SOX5: variants seen among roughly 807,000 people sequenced by gnomAD.
SOX5 encodes SRY-box transcription factor 5, also known as transcription factor SOX-5.
SOX5 carries 9 observed loss-of-function variants against 92.0 expected under a neutral mutation model. The observed-to-expected ratio is 0.10, with a 90% CI of 0.06 to 0.17. SOX5 has a LOEUF of 0.17. SOX5 is among the 10% of genes least tolerant of loss of function. The pLI is 1.00. For missense variants in SOX5, 642 were observed against 944.5 expected, an observed-to-expected ratio of 0.68 and a Z score of 4.20; for synonymous variants, 344 against 336.3, an observed-to-expected ratio of 1.02 and a Z score of -0.25.
At chr12:24,060,939 A>G (rs549099243) in intron 4 of SOX5, among the ~76,000 whole-genome samples, 1 of 152,170 alleles carries the variant, frequency 6.6e-6, no homozygotes, top group Non-Finnish European at 1.5e-5. Flanking sequence ...TGAAATTGCC[A>G]TTTATTTGAA....
chr12:23,906,176 G>A (rs910290897), intron 1 of SOX5, among the ~76,000 whole-genome samples: 5 of 152,176 alleles, frequency 3.3e-5, no homozygotes, highest in African/African-American at 7.2e-5. Flanking sequence ...GTCATTAATC[G>A]CAAACTGAAA....
At chr12:24,471,842 C>G (rs1182120935) in intron 1 of SOX5, among the ~76,000 whole-genome samples, 1 of 151,246 alleles carries the variant, frequency 6.6e-6, no homozygotes, top group African/African-American at 2.4e-5. Flanking sequence ...TAATCAGCAA[C>G]AGCCTTAGTC....
chr12:24,469,516 T>G (rs1864077470), intron 1 of SOX5, among the ~76,000 whole-genome samples: 1 of 152,214 alleles, frequency 6.6e-6, no homozygotes, highest in South Asian at 2.1e-4. Flanking sequence ...CACGACTTCC[T>G]AATACTTTTA....
Position 24,528,736 on chromosome 12 carries a change from G to C in SOX5, c.-251+33593C>G, listed in dbSNP as rs114353476. Among the ~76,000 whole-genome samples, 4 of 152,160 alleles carry C rather than the reference G, an allele frequency of 2.6e-5. No homozygotes were observed. The East Asian group carries it at 7.7e-4, about 29-fold the overall frequency. On this transcript the variant is annotated intron_variant, in intron 1 of 4. Transcript: ENST00000446891. ...TATGTGACCTTGAAAATCTCATCCAGCATCCTCAGTGGATCTAGAGGAAGC... is the reference window on the plus strand; with the variant it reads ...TATGTGACCTTGAAAATCTCATCCACCATCCTCAGTGGATCTAGAGGAAGC...
intron 3 of SOX5, among the ~76,000 whole-genome samples, chr12:23,789,244 A>C (rs1425078723): frequency 2.0e-5 from 3 of 151,894 alleles, no homozygotes; most frequent in South Asian, 4.2e-4. Context: ...AAAAAAAAAA[A>C]ACATTAAATT....
At chr12:23,779,402 C>T (rs1594339712) in intron 3 of SOX5, among the ~76,000 whole-genome samples, 3 of 147,968 alleles carry the variant, frequency 2.0e-5, no homozygotes, top group South Asian at 4.4e-4. Flanking sequence ...CTAGTATGTG[C>T]CATCAAGCAC....
chr12:23,681,125 T>C (rs1045644041), intron 6 of SOX5, among the ~76,000 whole-genome samples: 4 of 152,046 alleles, frequency 2.6e-5, no homozygotes, highest in South Asian at 2.1e-4. Context: ...AATATTAGCA[T>C]GTAAAACAAG....
intron 8 of SOX5, among the ~76,000 whole-genome samples, chr12:23,630,256 G>A (rs2078357045): frequency 6.6e-6 from 1 of 151,880 alleles, no homozygotes; most frequent in Non-Finnish European, 1.5e-5. Flanking sequence ...GACTGGAGAT[G>A]TTATTCTCAT....
chr12:23,578,134 A>AAAAAAAAAC, intron 9 of SOX5, among the ~76,000 whole-genome samples: 1 of 145,666 alleles, frequency 6.9e-6, no homozygotes, highest in Non-Finnish European at 1.5e-5. Context: ...AAAAAAAAAA[A>AAAAAAAAAC]AAAAAAAAAA....
chr12:24,463,548 A>T (rs1943881945), intron 1 of SOX5, among the ~76,000 whole-genome samples: 1 of 152,116 alleles, frequency 6.6e-6, no homozygotes, highest in Non-Finnish European at 1.5e-5. Context: ...TAACTAATAA[A>T]CCTGTGGCTT....
intron 4 of SOX5, among the ~76,000 whole-genome samples, chr12:24,156,051 G>C (rs148632185): frequency 2.0e-5 from 3 of 152,074 alleles, no homozygotes; most frequent in Non-Finnish European, 4.4e-5. Flanking sequence ...CTTGTTTCTC[G>C]TGCTTAGCAC....
chr12:24,108,992 C>T (rs1380376052), intron 4 of SOX5, among the ~76,000 whole-genome samples: 5 of 152,126 alleles, frequency 3.3e-5, no homozygotes, highest in Admixed American at 3.3e-4. Context: ...GTTTTTGCCA[C>T]ATCACAGGTA....
At chr12:23,959,123 G>A (rs1367330676) in intron 4 of SOX5, among the ~76,000 whole-genome samples, 1 of 151,646 alleles carries the variant, frequency 6.6e-6, no homozygotes, top group Non-Finnish European at 1.5e-5. Flanking sequence ...AATGTAATGA[G>A]TTCAAAATTA....
intron 4 of SOX5, among the ~76,000 whole-genome samples, chr12:24,129,229 C>A (rs1208453060): frequency 6.6e-6 from 1 of 151,964 alleles, no homozygotes. Context: ...TTGAATAAAC[C>A]CCTTATTGTC....
chr12:24,561,350 C>T (rs1443458550), intron 1 of SOX5, among the ~76,000 whole-genome samples: 3 of 152,214 alleles, frequency 2.0e-5, no homozygotes, highest in Admixed American at 2.0e-4. Flanking sequence ...TTCAGATATT[C>T]ACCAGGGTCA....
chr12:24,247,360 G>T (rs1396605163), intron 3 of SOX5, among the ~76,000 whole-genome samples: 2 of 152,204 alleles, frequency 1.3e-5, no homozygotes, highest in African/African-American at 4.8e-5. Context: ...GTGAGGGAAG[G>T]TTTCCTTGAA....
intron 3 of SOX5, chr12:24,277,169 T>C (rs901950138): frequency 7.9e-5 from 12 of 151,854 alleles, no homozygotes; most frequent in Admixed American, 3.3e-4. Context: ...TGAAATAGAA[T>C]AGTTATCAAT....
intron 4 of SOX5, among the ~76,000 whole-genome samples, chr12:24,022,388 GAT>G (rs1954397731): frequency 6.6e-6 from 1 of 152,110 alleles, no homozygotes; most frequent in South Asian, 2.1e-4. Flanking sequence ...AGCAGCACAA[GAT>G]CAGTCTAAAG....
chr12:23,830,910 A>G (rs1006815144), intron 3 of SOX5, among the ~76,000 whole-genome samples: 1 of 152,156 alleles, frequency 6.6e-6, no homozygotes. Flanking sequence ...ATGTAAACTC[A>G]AACATCAAAC....
Sources: allele counts gnomAD v4.1 joint callset (sites outside exome capture counted in the v4.1 genomes callset), GRCh38; gene constraint gnomAD v4.1.1; transcripts MANE v1.5; gene names NCBI Gene and HGNC (gene_info 2026-07-23, HGNC 2026-07-21).